GPR155: variants seen among roughly 807,000 people sequenced by gnomAD.
The protein encoded by GPR155 is G protein-coupled receptor 155.
In GPR155, 65 loss-of-function variants were observed where a neutral mutation model predicts 93.1. The ratio of observed to expected loss-of-function variants is 0.70; its 90% confidence interval spans 0.57 to 0.86. The LOEUF is 0.86. GPR155 is among the 40% of genes least tolerant of loss of function. The pLI, the probability that GPR155 is intolerant of heterozygous loss-of-function variation, is 0.00. For missense variants in GPR155, 838 were observed against 1,034.8 expected (o/e 0.81, Z 2.61); for synonymous variants, 319 against 360.1 (o/e 0.89, Z 1.29).
Position 174,442,102 on chromosome 2 carries a change from T to C in GPR155, c.2174+17A>G, listed in dbSNP as rs1686983359. On this transcript the variant is annotated intron_variant, in intron 14 of 15. Transcript: ENST00000392552. ...ATCACATTTACAGATACAGATTTAT[T>C]TCAAAACTTAATTTACCTTCTTTTG... 2 of 1,188,804 alleles carry C rather than the reference T, an allele frequency of 1.7e-6. No individual in the cohort carries two copies. The highest frequency in any genetic ancestry group is 2.4e-5 in the South Asian group (2 of 82,476). The allele number at this position is 1,188,804 out of a possible 1,614,324, so 73.6% of individuals were successfully genotyped here. A position where few individuals can be genotyped will look rare whatever the true frequency, so the allele number is the denominator to read the frequency against.
At chr2:174,454,770 G>A (rs1027220755) in intron 10 of GPR155, among the ~76,000 whole-genome samples, 1 of 140,886 alleles carries the variant, frequency 7.1e-6, no homozygotes, top group Admixed American at 7.3e-5. Context: ...GGAAGGAAGG[G>A]AAAGGAAGGA....
chr2:174,462,106 A>C (rs1218319141), intron 7 of GPR155, among the ~76,000 whole-genome samples: 1 of 151,840 alleles, frequency 6.6e-6, no homozygotes, highest in East Asian at 1.9e-4. Flanking sequence ...TGGCTAAATA[A>C]GAATTTTTTT....
intron 5 of GPR155, among the ~76,000 whole-genome samples, chr2:174,467,243 TAATCC>T (rs1409413278): frequency 6.6e-6 from 1 of 152,102 alleles, no homozygotes; most frequent in Non-Finnish European, 1.5e-5. Context: ...CTCACGCCTG[TAATCC>T]CAGCACTTTG....
At chr2:174,440,107 C>G (rs748302408) in intron 14 of GPR155, 72 bp from the exon 15 acceptor site, 5 of 1,302,652 alleles carry the variant, frequency 3.8e-6, no homozygotes, top group Non-Finnish European at 4.3e-6. Context: ...GCCTTATCAC[C>G]CCATCAAAAT....
Position 174,446,609 on chromosome 2 carries a change from A to G in GPR155, c.2013+2T>C, listed in dbSNP as rs760138583. 7 of 1,605,226 alleles carry G rather than the reference A, an allele frequency of 4.4e-6. No homozygotes were observed. Among genetic ancestry groups the G allele is most frequent in the Non-Finnish European group, 5.9e-6 (7 of 1,177,370 alleles). Reference sequence around the variant, plus strand: ...CAAAACAAAACCAGAAAAAACCATTACAGCGAACAGGCCAATGATGAGAAG... The same window carrying G: ...CAAAACAAAACCAGAAAAAACCATTGCAGCGAACAGGCCAATGATGAGAAG... On this transcript the variant is annotated splice_donor_variant, in intron 12 of 15. Transcript: ENST00000392552. LOFTEE classifies it high-confidence loss of function.
At chr2:174,444,998 C>G in intron 13 of GPR155, 83 bp downstream of exon 13, 1 of 711,086 alleles carries the variant, frequency 1.4e-6, no homozygotes. Context: ...ACATCCTAAT[C>G]CACTCCCCGC....
chr2:174,464,279 A>G (rs1346328921), intron 7 of GPR155, among the ~76,000 whole-genome samples: 3 of 152,210 alleles, frequency 2.0e-5, no homozygotes, highest in Non-Finnish European at 2.9e-5. Flanking sequence ...GTTTATTTTA[A>G]TGCATATTTG....
chr2:174,469,980 G>A (rs1449181962), intron 4 of GPR155, among the ~76,000 whole-genome samples: 1 of 152,154 alleles, frequency 6.6e-6, no homozygotes, highest in Non-Finnish European at 1.5e-5. Flanking sequence ...TTGTGCCTCA[G>A]CCACCCAAGT....
At chr2:174,444,245 G>A (rs1320690822) in intron 13 of GPR155, among the ~76,000 whole-genome samples, 4 of 151,736 alleles carry the variant, frequency 2.6e-5, no homozygotes, top group East Asian at 2.0e-4. Flanking sequence ...GAGAAACCCC[G>A]TCTCTACTAA....
At chr2:174,462,265 A>G (rs1687719730) in intron 7 of GPR155, among the ~76,000 whole-genome samples, 2 of 151,940 alleles carry the variant, frequency 1.3e-5, no homozygotes, top group South Asian at 4.1e-4. Flanking sequence ...AGCCCTAATC[A>G]TTTTATTGTT....
At chr2:174,448,303 G>A (rs1327297174) in intron 11 of GPR155, among the ~76,000 whole-genome samples, 5 of 152,094 alleles carry the variant, frequency 3.3e-5, no homozygotes, top group African/African-American at 1.2e-4. Flanking sequence ...TTGAACCTGG[G>A]AGCAGAGGTT....
Position 174,436,196 on chromosome 2 carries a change from T to C in GPR155, c.2533A>G (p.Ile845Val). 1 of 1,613,868 alleles carries C rather than the reference T, an allele frequency of 6.2e-7. No individual in the cohort carries two copies. The change falls in exon 16 of 16, where the codon ATT (isoleucine) becomes GTT (valine). Residue 845 changes from isoleucine (I) to valine (V), a missense_variant. Physicochemically the swap from Ile to Val is conservative, Grantham distance 29 (BLOSUM62 3). This residue lies in a region of GPR155 where 146 missense variants were observed against 177.5 expected (regional missense o/e 0.82). Coordinates refer to ENST00000392552, the MANE Select transcript of GPR155 (RefSeq NM_152529.7). ...TCCTGTTGGAGAGTGTTTGCATTAA[T>C]AGCAGGAGGACTCTGTTCAGGACTC... is the stretch of plus-strand genomic sequence containing the variant. ...QKSPEQSPPA[I>V]NANTLQQERY... is the part of the protein sequence containing the mutation.
At position 174,445,634 on chromosome 2, in the gene GPR155, A is replaced by G. The variant is rs60957461; in HGVS notation, c.2014-458T>C. ...ATCCCAGTGTGCAAAGCGTTCCTTC[A>G]TAGGTTATCTGGTCCATCTCCTACC... On this transcript the variant is annotated intron_variant, in intron 12 of 15. Coordinates refer to ENST00000392552, the MANE Select transcript of GPR155 (RefSeq NM_152529.7). Among the ~76,000 whole-genome samples the G allele has an allele frequency of 4.2e-4, 64 of 152,294 alleles. No individual in the cohort carries two copies. The East Asian group carries it at 0.011, about 27-fold the overall frequency.
intron 10 of GPR155, 106 bp from the exon 11 acceptor site, chr2:174,453,947 C>G: frequency 1.4e-6 from 1 of 727,492 alleles, no homozygotes. Flanking sequence ...ACACACACTT[C>G]CCATGTAGCC....
chr2:174,455,007 T>C (rs1041188059), intron 10 of GPR155, among the ~76,000 whole-genome samples: 5 of 152,070 alleles, frequency 3.3e-5, no homozygotes, highest in Admixed American at 6.6e-5. Context: ...TCATACAGTA[T>C]GGTGGCTATA....
rs565974041 is a variant in GPR155 at position 174,455,799 on chromosome 2, A to G, written c.1772-1958T>C. Among the ~76,000 whole-genome samples the G allele has an allele frequency of 2.0e-5, 3 of 152,354 alleles. No individual in the cohort carries two copies. In the South Asian group the frequency reaches 6.2e-4, roughly 32 times the overall value. On this transcript the variant is annotated intron_variant, in intron 10 of 15. Coordinates refer to ENST00000392552, the MANE Select transcript of GPR155 (RefSeq NM_152529.7). The stretch of plus-strand genomic sequence containing the variant: ...TAAAAAGCTCCAGTACCTTTGACAA[A>G]GAGAACAAGTGCTGTCCACGTATTC...
intron 7 of GPR155, among the ~76,000 whole-genome samples, chr2:174,465,511 C>G (rs922456048): frequency 6.6e-6 from 1 of 152,158 alleles, no homozygotes; most frequent in Admixed American, 6.6e-5. Flanking sequence ...CCTCTTGTCT[C>G]CAAAAGGGAG....
At chr2:174,454,924 T>G (rs1559105983) in intron 10 of GPR155, among the ~76,000 whole-genome samples, 1 of 151,854 alleles carries the variant, frequency 6.6e-6, no homozygotes, top group Non-Finnish European at 1.5e-5. Context: ...TACCGGATAC[T>G]TGGGCAGGTA....
intron 13 of GPR155, among the ~76,000 whole-genome samples, chr2:174,443,955 TAATG>T (rs921452721): frequency 1.3e-5 from 2 of 152,202 alleles, no homozygotes; most frequent in African/African-American, 4.8e-5. Flanking sequence ...TTAAATGAGA[TAATG>T]AATGTAAAAT....
Sources: allele counts gnomAD v4.1 joint callset (sites outside exome capture counted in the v4.1 genomes callset), GRCh38; gene constraint gnomAD v4.1.1; regional missense constraint gnomAD v4.1.1; transcripts MANE v1.5; gene names NCBI Gene and HGNC (gene_info 2026-07-23, HGNC 2026-07-21).